IL1RAPL2: variants seen among roughly 807,000 people sequenced by gnomAD.
IL1RAPL2 encodes the protein X-linked interleukin-1 receptor accessory protein-like 2.
Under a neutral mutation model 44.1 loss-of-function variants are expected in IL1RAPL2, and 3 were observed. That is an observed-to-expected ratio of 0.07 (90% CI 0.03 to 0.18). The LOEUF is 0.18. IL1RAPL2 is among the 10% of genes least tolerant of loss of function. The pLI is 1.00. For missense variants in IL1RAPL2, 391 were observed against 496.4 expected (o/e 0.79, Z 2.02); for synonymous variants, 181 against 178.8 (o/e 1.01, Z -0.10).
intron 2 of IL1RAPL2, among the ~76,000 whole-genome samples, chrX:104,753,594 C>CT (rs775925652): frequency 1.8e-5 from 2 of 111,655 alleles, no homozygotes; most frequent in East Asian, 5.7e-4. Context: ...AGTGAACTTG[C>CT]TTTTTGTTAA....
intron 2 of IL1RAPL2, among the ~76,000 whole-genome samples, chrX:104,752,895 C>T (rs1356470285): frequency 9.1e-6 from 1 of 110,181 alleles, no homozygotes; most frequent in Non-Finnish European, 1.9e-5. Flanking sequence ...TTCTCCTGCA[C>T]AGACCCCTTG....
intron 4 of IL1RAPL2, among the ~76,000 whole-genome samples, chrX:105,248,761 A>G (rs952655399): frequency 8.9e-6 from 1 of 111,910 alleles, no homozygotes; most frequent in African/African-American, 3.2e-5. Flanking sequence ...ATCATTGATC[A>G]TCAGAGAAAT....
At chrX:105,308,472 A>G (rs750107427) in intron 5 of IL1RAPL2, among the ~76,000 whole-genome samples, 1 of 112,537 alleles carries the variant, frequency 8.9e-6, no homozygotes, top group Non-Finnish European at 1.9e-5. Flanking sequence ...GAACATTTCA[A>G]TCACTCCAGA....
intron 3 of IL1RAPL2, among the ~76,000 whole-genome samples, chrX:105,204,900 A>C (rs1483861795): frequency 8.9e-6 from 1 of 112,067 alleles, no homozygotes; most frequent in African/African-American, 3.2e-5. Flanking sequence ...GCTTTTCCTC[A>C]CATGGAAAAT....
chrX:104,947,965 T>G (rs1321980288), intron 2 of IL1RAPL2, among the ~76,000 whole-genome samples: 2 of 111,736 alleles, frequency 1.8e-5, no homozygotes, highest in Admixed American at 1.9e-4. Flanking sequence ...AAGTCATTGG[T>G]AGCTTGATGG....
At chrX:104,968,741 C>A (rs1245440253) in intron 2 of IL1RAPL2, among the ~76,000 whole-genome samples, 2 of 110,545 alleles carry the variant, frequency 1.8e-5, no homozygotes, top group African/African-American at 3.3e-5. Context: ...AGGAAAAAAA[C>A]CGCGTATAAT....
intron 2 of IL1RAPL2, among the ~76,000 whole-genome samples, chrX:104,754,364 C>T (rs967158774): frequency 1.8e-5 from 2 of 111,743 alleles, no homozygotes; most frequent in Non-Finnish European, 3.8e-5. Context: ...AATGTGGCTA[C>T]TGGGTATTGA....
intron 2 of IL1RAPL2, among the ~76,000 whole-genome samples, chrX:104,777,002 TTTC>T (rs1190119266): frequency 9.0e-6 from 1 of 111,528 alleles, no homozygotes. Flanking sequence ...TTCTCAGACT[TTTC>T]TTATTTTTTT....
rs1051966101 is a variant in IL1RAPL2 at position 104,904,765 on chromosome X, A to G, written c.82+245770A>G. On this transcript the variant is annotated intron_variant, in intron 2 of 10. Transcript: ENST00000372582. ...GTGAATAATGCTGCAATAAACATAC[A>G]TGTGCATGTGTCTTTATAGCAGCAT... Among the ~76,000 whole-genome samples, 127 of 109,611 alleles carry G rather than the reference A, an allele frequency of 1.2e-3. 1 individual carries two copies. Among genetic ancestry groups the G allele is most frequent in the African/African-American group, 4.0e-3 (121 of 30,206 alleles).
intron 2 of IL1RAPL2, among the ~76,000 whole-genome samples, chrX:105,010,003 T>G (rs2031021951): frequency 9.0e-6 from 1 of 111,356 alleles, no homozygotes; most frequent in Non-Finnish European, 1.9e-5. Flanking sequence ...TACTGTATAA[T>G]ATTTAATCAT....
intron 2 of IL1RAPL2, among the ~76,000 whole-genome samples, chrX:104,751,590 C>T (rs17332162): frequency 0.049 from 5,438 of 110,935 alleles, 107 homozygotes; most frequent in Non-Finnish European, 0.076. Flanking sequence ...GCAGCGAAAT[C>T]AAAATCCTCA....
At chrX:105,591,986 G>A (rs2037175101) in intron 6 of IL1RAPL2, among the ~76,000 whole-genome samples, 1 of 111,076 alleles carries the variant, frequency 9.0e-6, no homozygotes, top group African/African-American at 3.3e-5. Flanking sequence ...TTTCTGCCTT[G>A]ATGATCTATA....
chrX:105,588,880 T>G (rs777339689), intron 6 of IL1RAPL2, among the ~76,000 whole-genome samples: 5 of 112,004 alleles, frequency 4.5e-5, no homozygotes, highest in African/African-American at 9.7e-5. Context: ...GTAGAACAAT[T>G]TATATACCTT....
intron 5 of IL1RAPL2, among the ~76,000 whole-genome samples, chrX:105,396,243 G>C (rs1439049888): frequency 1.8e-5 from 2 of 109,693 alleles, no homozygotes; most frequent in Admixed American, 9.7e-5. Flanking sequence ...AAGAGGGAGT[G>C]ATAGGTGTCT....
At chrX:104,820,480 C>T (rs979834514) in intron 2 of IL1RAPL2, among the ~76,000 whole-genome samples, 1 of 111,500 alleles carries the variant, frequency 9.0e-6, no homozygotes, top group Non-Finnish European at 1.9e-5. Flanking sequence ...TTCAGCTTTG[C>T]CTTCTGACTC....
intron 2 of IL1RAPL2, among the ~76,000 whole-genome samples, chrX:105,024,325 A>T (rs1483977935): frequency 9.0e-6 from 1 of 111,408 alleles, no homozygotes; most frequent in Non-Finnish European, 1.9e-5. Context: ...TTAGAACCAA[A>T]TTCTGCTTTT....
intron 2 of IL1RAPL2, among the ~76,000 whole-genome samples, chrX:104,857,612 C>T (rs755009227): frequency 1.8e-5 from 2 of 111,320 alleles, no homozygotes; most frequent in Non-Finnish European, 3.8e-5. Flanking sequence ...ATTGTGTGTT[C>T]ATATTATAAA....
intron 1 of IL1RAPL2, among the ~76,000 whole-genome samples, chrX:104,606,877 G>A (rs1569279469): frequency 1.3e-4 from 15 of 111,406 alleles, no homozygotes; most frequent in Non-Finnish European, 3.8e-5. Context: ...AATAGAATTG[G>A]AAAAAAACTA....
intron 2 of IL1RAPL2, among the ~76,000 whole-genome samples, chrX:105,022,578 C>T: frequency 9.0e-6 from 1 of 110,882 alleles, no homozygotes; most frequent in Non-Finnish European, 1.9e-5. Context: ...TGACTTTCAG[C>T]TCTGTGATTT....
Sources: allele counts gnomAD v4.1 joint callset (sites outside exome capture counted in the v4.1 genomes callset), GRCh38; gene constraint gnomAD v4.1.1; transcripts MANE v1.5; gene names NCBI Gene and HGNC (gene_info 2026-07-23, HGNC 2026-07-21).